Variants in CRPPA observed in about 807,000 individuals in gnomAD.
CRPPA encodes CDP-L-ribitol pyrophosphorylase A.
Under a neutral mutation model 52.0 loss-of-function variants are expected in CRPPA, and 43 were observed. The ratio of observed to expected loss-of-function variants is 0.83; its 90% CI spans 0.65 to 1.07. The LOEUF (loss-of-function observed/expected upper bound fraction) is 1.07. CRPPA is among the 50% of genes least tolerant of loss of function. CRPPA has a pLI of 0.00. For missense variants in CRPPA, 629 were observed against 551.7 expected (o/e 1.14, Z -1.40); for synonymous variants, 250 against 203.5 (o/e 1.23, Z -1.94).
intron 2 of CRPPA, among the ~76,000 whole-genome samples, chr7:16,403,440 G>T (rs1267993949): frequency 6.6e-6 from 1 of 152,076 alleles, no homozygotes; most frequent in Non-Finnish European, 1.5e-5. Context: ...TAGAGTTATT[G>T]TTAGCATACA....
chr7:16,378,147 A>C (rs918016004), intron 2 of CRPPA, among the ~76,000 whole-genome samples: 3 of 151,780 alleles, frequency 2.0e-5, no homozygotes, highest in Non-Finnish European at 4.4e-5. Context: ...TTTAGAGTAC[A>C]TGTGCACAAT....
At chr7:16,343,290 T>C (rs1219980787) in intron 3 of CRPPA, among the ~76,000 whole-genome samples, 2 of 152,130 alleles carry the variant, frequency 1.3e-5, no homozygotes. Flanking sequence ...ATCCTGGTAA[T>C]AGTTGAAGTT....
chr7:16,372,362 C>G (rs1786771115), intron 3 of CRPPA, among the ~76,000 whole-genome samples: 1 of 152,150 alleles, frequency 6.6e-6, no homozygotes, highest in Non-Finnish European at 1.5e-5. Context: ...CAGCAGAAAC[C>G]TTACATGCCA....
chr7:16,222,729 G>T (rs1309753406), intron 8 of CRPPA, among the ~76,000 whole-genome samples: 1 of 151,922 alleles, frequency 6.6e-6, no homozygotes, highest in East Asian at 1.9e-4. Context: ...AAACTAAGAG[G>T]GCTTTTATAG....
intron 9 of CRPPA, among the ~76,000 whole-genome samples, chr7:16,100,973 GA>G (rs1782031995): frequency 6.6e-6 from 1 of 152,116 alleles, no homozygotes; most frequent in Admixed American, 6.5e-5. Flanking sequence ...TGTGTATGTT[GA>G]AACAGCCTTG....
chr7:16,094,227 T>C (rs549796039), intron 9 of CRPPA, among the ~76,000 whole-genome samples: 1 of 152,204 alleles, frequency 6.6e-6, no homozygotes, highest in Non-Finnish European at 1.5e-5. Context: ...TATGTCATTC[T>C]ACTGAACATT....
chr7:16,229,923 A>G (rs1782748531), intron 8 of CRPPA, among the ~76,000 whole-genome samples: 1 of 151,494 alleles, frequency 6.6e-6, no homozygotes, highest in South Asian at 2.1e-4. Flanking sequence ...CTTGGCTGAC[A>G]GTTTTTTTTC....
At chr7:16,398,714 G>C (rs1198700001) in intron 2 of CRPPA, among the ~76,000 whole-genome samples, 2 of 152,128 alleles carry the variant, frequency 1.3e-5, no homozygotes, top group Non-Finnish European at 2.9e-5. Context: ...ATCAACACGT[G>C]GGTGACACGT....
chr7:16,144,178 G>C (rs1782926922), intron 9 of CRPPA, among the ~76,000 whole-genome samples: 1 of 152,130 alleles, frequency 6.6e-6, no homozygotes, highest in Admixed American at 6.5e-5. Context: ...TTCCTGTATG[G>C]AGCAGGCTCC....
intron 9 of CRPPA, among the ~76,000 whole-genome samples, chr7:16,201,677 C>T (rs1007910040): frequency 2.0e-5 from 3 of 152,150 alleles, no homozygotes; most frequent in Non-Finnish European, 2.9e-5. Context: ...AGTTGTAACA[C>T]TCCTGCTCGC....
At chr7:16,096,060 C>T (rs1562500709) in intron 9 of CRPPA, among the ~76,000 whole-genome samples, 2 of 152,150 alleles carry the variant, frequency 1.3e-5, no homozygotes, top group Non-Finnish European at 2.9e-5. Context: ...GCCATGACTA[C>T]AGCCTGGGTA....
intron 8 of CRPPA, among the ~76,000 whole-genome samples, chr7:16,258,154 T>C (rs1783692900): frequency 6.6e-6 from 1 of 152,064 alleles, no homozygotes; most frequent in African/African-American, 2.4e-5. Context: ...AAATATGAAA[T>C]TGGTTGCTGG....
intron 3 of CRPPA, among the ~76,000 whole-genome samples, chr7:16,346,869 T>C (rs4146016): frequency 0.51 from 76,708 of 151,612 alleles, 19,767 homozygotes; most frequent in South Asian, 0.67. Flanking sequence ...CAGCATAGGA[T>C]CCAGGAGAAA....
At position 16,284,053 on chromosome 7, in the gene CRPPA, A is replaced by T. The variant is rs1784373278; in HGVS notation, c.836-5827T>A. Among the ~76,000 whole-genome samples, 3 of 152,220 alleles carry T rather than the reference A, an allele frequency of 2.0e-5. No individual in the cohort carries two copies. In the South Asian group the frequency reaches 6.2e-4, roughly 32 times the overall value. On this transcript the variant is annotated intron_variant, in intron 5 of 9. Transcript: ENST00000407010. ...GAGAAGAGACCAAAGAACGATTTCTATGCAGAGTCAAATTTTCTTTTCTTT... is the reference window on the plus strand; with the variant it reads ...GAGAAGAGACCAAAGAACGATTTCTTTGCAGAGTCAAATTTTCTTTTCTTT...
intron 8 of CRPPA, among the ~76,000 whole-genome samples, chr7:16,246,311 A>G (rs1783272131): frequency 6.6e-6 from 1 of 152,176 alleles, no homozygotes; most frequent in Admixed American, 6.5e-5. Context: ...AAATTGCAGC[A>G]ATTCAGTCAT....
chr7:16,182,660 T>A lies in CRPPA; in HGVS notation c.1251+33406A>T, dbSNP rs79122158. Among the ~76,000 whole-genome samples, 786 of 152,262 alleles carry A rather than the reference T, an allele frequency of 5.2e-3. 9 individuals are homozygous for A. Among genetic ancestry groups the A allele is most frequent in the East Asian group, 0.043 (223 of 5,172 alleles). ...AAACTGGAGCCCAAATAACTGTATT[T>A]GTTTTCTTCATAACCAAGTTATCAG... On this transcript the variant is annotated intron_variant, in intron 9 of 9. Transcript: ENST00000407010.
At chr7:16,248,678 A>T (rs1783348450) in intron 8 of CRPPA, among the ~76,000 whole-genome samples, 2 of 152,176 alleles carry the variant, frequency 1.3e-5, no homozygotes, top group Non-Finnish European at 2.9e-5. Flanking sequence ...TGCACTTCCA[A>T]CTGAGGTACC....
intron 9 of CRPPA, among the ~76,000 whole-genome samples, chr7:16,160,777 T>C (rs1415578417): frequency 6.6e-6 from 1 of 152,224 alleles, no homozygotes; most frequent in Non-Finnish European, 1.5e-5. Context: ...TTCACGATAT[T>C]GATTATTCCT....
chr7:16,249,594 G>T (rs910122190), intron 8 of CRPPA, among the ~76,000 whole-genome samples: 1 of 152,216 alleles, frequency 6.6e-6, no homozygotes, highest in African/African-American at 2.4e-5. Context: ...AACAAGGTCT[G>T]AAGTGGACTT....
Sources: allele counts gnomAD v4.1 joint callset (sites outside exome capture counted in the v4.1 genomes callset), GRCh38; gene constraint gnomAD v4.1.1; transcripts MANE v1.5; gene names NCBI Gene and HGNC (gene_info 2026-07-23, HGNC 2026-07-21).